The following PRDM16 variants were observed in gnomAD, a reference collection of about 807,000 sequenced individuals.
PRDM16 encodes the protein histone-lysine N-methyltransferase PRDM16.
A neutral mutation model predicts 110.6 loss-of-function variants in PRDM16; 23 were observed. The ratio of observed to expected loss-of-function variants is 0.21; its 90% CI spans 0.15 to 0.29. The LOEUF is 0.29. PRDM16 is among the 10% of genes least tolerant of loss of function. The pLI is 1.00. For missense variants in PRDM16, 1,615 were observed against 1,794.3 expected (o/e 0.90, Z 1.81); for synonymous variants, 799 against 781.8 (o/e 1.02, Z -0.37).
chr1:3,079,264 G>A (rs868302922), intron 1 of PRDM16, among the ~76,000 whole-genome samples: 2 of 152,230 alleles, frequency 1.3e-5, no homozygotes, highest in Non-Finnish European at 2.9e-5. Flanking sequence ...GTGGTGGCCT[G>A]AGAGCCCCTT....
intron 1 of PRDM16, among the ~76,000 whole-genome samples, chr1:3,085,601 C>A (rs990253526): frequency 2.0e-5 from 3 of 152,368 alleles, no homozygotes; most frequent in South Asian, 2.1e-4. Context: ...TGCCCATCTG[C>A]TGAGTGGGGT....
chr1:3,357,431 G>A (rs1570128172), intron 3 of PRDM16, among the ~76,000 whole-genome samples: 1 of 152,054 alleles, frequency 6.6e-6, no homozygotes, highest in East Asian at 1.9e-4. Context: ...GGGAAATGGA[G>A]CACAGTCGAC....
At chr1:3,280,077 A>G (rs1640680605) in intron 3 of PRDM16, among the ~76,000 whole-genome samples, 1 of 151,968 alleles carries the variant, frequency 6.6e-6, no homozygotes, top group Non-Finnish European at 1.5e-5. Flanking sequence ...TAAATAAGAA[A>G]GTCAGAATTA....
At chr1:3,362,907 G>A (rs555274889) in intron 3 of PRDM16, among the ~76,000 whole-genome samples, 4 of 152,292 alleles carry the variant, frequency 2.6e-5, no homozygotes, top group South Asian at 4.2e-4. Context: ...AGAACTGTTC[G>A]GGGTTCACAC....
intron 1 of PRDM16, among the ~76,000 whole-genome samples, chr1:3,185,353 A>G (rs961845530): frequency 2.0e-5 from 3 of 152,168 alleles, no homozygotes; most frequent in African/African-American, 4.8e-5. Context: ...CCATGACCTC[A>G]GCAGGCCTGT....
chr1:3,275,140 G>A (rs1640554209), intron 3 of PRDM16, among the ~76,000 whole-genome samples: 2 of 152,228 alleles, frequency 1.3e-5, no homozygotes, highest in South Asian at 4.1e-4. Context: ...CAGGAGGCGG[G>A]CCCAGTGGAA....
chr1:3,080,207 AGTGTCAG>A lies in PRDM16; in HGVS notation c.37+10914_37+10920del, dbSNP rs1292800337. ...TGAAAAATTACAGAATTATGCTGCC[AGTGTCAG>A]GTTCCCAGATAATGATGTGTCTGTG... On this transcript the variant is annotated intron_variant, in intron 1 of 16. Coordinates refer to ENST00000270722, the MANE Select transcript of PRDM16 (RefSeq NM_022114.4). The surrounding 1 kb of genome is among the most constrained non-coding windows in gnomAD (Gnocchi z 5.2). Among the ~76,000 whole-genome samples the A allele has an allele frequency of 6.6e-6, 1 of 152,188 alleles. No individual in the cohort carries two copies. Among genetic ancestry groups the A allele is most frequent in the Non-Finnish European group, 1.5e-5 (1 of 68,034 alleles).
chr1:3,287,296 CATTT>C (rs1640870349), intron 3 of PRDM16, among the ~76,000 whole-genome samples: 7 of 144,970 alleles, frequency 4.8e-5, no homozygotes, highest in Admixed American at 4.0e-4. Flanking sequence ...TCCAGGATTG[CATTT>C]ACCGGGGCTG....
intron 3 of PRDM16, among the ~76,000 whole-genome samples, chr1:3,348,192 C>G (rs1376606389): frequency 6.6e-6 from 1 of 152,180 alleles, no homozygotes; most frequent in African/African-American, 2.4e-5. Flanking sequence ...GCCCTCTGGG[C>G]CCCTGAACAG....
chr1:3,414,473 C>T (rs971451899), intron 9 of PRDM16, 87 bp from the exon 10 acceptor site: 1 of 968,976 alleles, frequency 1.0e-6, no homozygotes, highest in Admixed American at 2.0e-5. Context: ...GGTATATGGT[C>T]AGGCGGGGTG....
rs1270334223 is a variant in PRDM16 at position 3,157,062 on chromosome 1, C to T, written c.38-29063C>T. ...CTGAGCACGAGGGCCAAGAGGTGAC[C>T]GCCGGCCAGAACCAGCCGTGGCTGC... On this transcript the variant is annotated intron_variant, in intron 1 of 16. Coordinates refer to ENST00000270722, the MANE Select transcript of PRDM16 (RefSeq NM_022114.4). The surrounding 1 kb of genome is among the most constrained non-coding windows in gnomAD (Gnocchi z 4.8). Among the ~76,000 whole-genome samples, 5 of 152,172 alleles carry T rather than the reference C, an allele frequency of 3.3e-5. No homozygotes were observed. Among genetic ancestry groups the T allele is most frequent in the East Asian group, 3.9e-4 (2 of 5,180 alleles).
intron 1 of PRDM16, among the ~76,000 whole-genome samples, chr1:3,095,716 G>A (rs1642381906): frequency 6.6e-6 from 1 of 152,150 alleles, no homozygotes; most frequent in South Asian, 2.1e-4. Context: ...CCTCGGCCAG[G>A]AGGGTAGGAT....
intron 2 of PRDM16, among the ~76,000 whole-genome samples, chr1:3,234,081 C>T (rs932213498): frequency 6.6e-6 from 1 of 152,060 alleles, no homozygotes; most frequent in Non-Finnish European, 1.5e-5. Context: ...TCGGGGTTTG[C>T]GATTGGGTCG....
chr1:3,356,704 C>G (rs1642610357), intron 3 of PRDM16, among the ~76,000 whole-genome samples: 1 of 152,216 alleles, frequency 6.6e-6, no homozygotes, highest in Non-Finnish European at 1.5e-5. Flanking sequence ...TACAGACCAG[C>G]AAGCTGACAG....
At chr1:3,225,678 A>C (rs908236143) in intron 2 of PRDM16, among the ~76,000 whole-genome samples, 6 of 152,134 alleles carry the variant, frequency 3.9e-5, no homozygotes, top group African/African-American at 7.2e-5. Flanking sequence ...GGAAAAAAAA[A>C]CACATGAGAA....
intron 2 of PRDM16, among the ~76,000 whole-genome samples, chr1:3,220,544 C>T (rs534306731): frequency 6.6e-6 from 1 of 152,314 alleles, no homozygotes; most frequent in East Asian, 1.9e-4. Context: ...CACCTGGCCT[C>T]GAGTCTTGCC....
Position 3,235,718 on chromosome 1 carries a change from G to A in PRDM16, c.388-8369G>A, listed in dbSNP as rs993503659. On this transcript the variant is annotated intron_variant, in intron 2 of 16. Transcript: ENST00000270722. ...GCCTGACATGGGGGAAAGAGCGCCCGTGAGTCCAGGACGGCGGGGGCGGGG... is the reference window on the plus strand; with the variant it reads ...GCCTGACATGGGGGAAAGAGCGCCCATGAGTCCAGGACGGCGGGGGCGGGG... Among the ~76,000 whole-genome samples, 9 of 152,328 alleles carry A rather than the reference G, an allele frequency of 5.9e-5. No individual in the cohort carries two copies. The East Asian group carries it at 9.7e-4, about 16-fold the overall frequency.
chr1:3,246,107 C>G lies in PRDM16; in HGVS notation c.438+1970C>G, dbSNP rs530739464. Reference sequence around the variant, plus strand: ...AGGCAAGTGCTGGCTGCTTCTGAACCAGAACGAACTAGGACAGAAGGAGGG... The same window carrying G: ...AGGCAAGTGCTGGCTGCTTCTGAACGAGAACGAACTAGGACAGAAGGAGGG... On this transcript the variant is annotated intron_variant, in intron 3 of 16. Transcript: ENST00000270722. The surrounding 1 kb of genome is among the most constrained non-coding windows in gnomAD (Gnocchi z 5.2). Among the ~76,000 whole-genome samples, 329 of 152,306 alleles carry G rather than the reference C, an allele frequency of 2.2e-3. No homozygotes were observed. Among genetic ancestry groups the G allele is most frequent in the African/African-American group, 6.1e-3 (255 of 41,568 alleles).
intron 1 of PRDM16, among the ~76,000 whole-genome samples, chr1:3,091,748 T>A (rs978709068): frequency 6.6e-6 from 1 of 152,082 alleles, no homozygotes; most frequent in Non-Finnish European, 1.5e-5. Context: ...TCCATAGATA[T>A]ATGGGTCGTG....
Sources: allele counts gnomAD v4.1 joint callset (sites outside exome capture counted in the v4.1 genomes callset), GRCh38; gene constraint gnomAD v4.1.1; non-coding constraint Gnocchi (gnomAD v3.1); transcripts MANE v1.5; gene names NCBI Gene and HGNC (gene_info 2026-07-23, HGNC 2026-07-21).